The following SLC44A5 variants were observed in gnomAD, a reference collection of about 807,000 sequenced individuals.
SLC44A5 encodes the protein solute carrier family 44 member 5, also known as choline transporter-like protein 5.
Under a neutral mutation model 101.8 loss-of-function variants are expected in SLC44A5, and 57 were observed. The ratio of observed to expected loss-of-function variants is 0.56; its 90% CI spans 0.45 to 0.70. SLC44A5 has a LOEUF of 0.70. Ranked by LOEUF, SLC44A5 falls within the 30% of genes least tolerant of loss-of-function variation. SLC44A5 has a pLI of 0.00. For missense variants in SLC44A5, 737 were observed against 853.1 expected, an observed-to-expected ratio of 0.86 and a Z score of 1.70; for synonymous variants, 281 against 290.9, an observed-to-expected ratio of 0.97 and a Z score of 0.35.
the SLC44A5 span, among the ~76,000 whole-genome samples, chr1:75,710,893 T>G: frequency 2.6e-5 from 4 of 152,202 alleles, no homozygotes; most frequent in East Asian, 7.7e-4. Flanking sequence ...TCATCTCTAT[T>G]TGAAGATGTG....
chr1:75,657,502 C>A, the SLC44A5 span, among the ~76,000 whole-genome samples: 10 of 149,474 alleles, frequency 6.7e-5, 1 homozygote, highest in South Asian at 2.1e-3. Context: ...GAGCTGGGCT[C>A]ACACCATTGC....
intron 2 of SLC44A5, among the ~76,000 whole-genome samples, chr1:75,536,631 G>GAAAGAAAAAAGA (rs1671028903): frequency 1.6e-5 from 2 of 126,758 alleles, no homozygotes; most frequent in South Asian, 2.4e-4. Flanking sequence ...AGAAAAGAAA[G>GAAAGAAAAAAGA]AAAAAAAAAG....
At chr1:75,448,098 C>T (rs986580630) in intron 2 of SLC44A5, among the ~76,000 whole-genome samples, 1 of 152,062 alleles carries the variant, frequency 6.6e-6, no homozygotes, top group Admixed American at 6.6e-5. Flanking sequence ...ACCATTTATC[C>T]AGTTCAGTCC....
rs761898257 is a variant in SLC44A5, at chr1:75,227,786, T to C, written c.925A>G (p.Ile309Val). The C allele has an allele frequency of 1.9e-6, 3 of 1,595,984 alleles. No homozygotes were observed. The highest frequency in any genetic ancestry group is 1.7e-6 in the Non-Finnish European group (2 of 1,174,806). The change falls in exon 13 of 24, where the codon ATC becomes GTC. Residue 309 changes from isoleucine to valine, a missense_variant. Ile to Val is a conservative substitution (Grantham distance 29). Coordinates refer to ENST00000370859, the MANE Select transcript of SLC44A5 (RefSeq NM_001130058.2). ...ATGCTTATGTTAGTCTGAATCCCGA[T>C]GTCATAGATAGTTAATACAGAACTT... is the stretch of plus-strand genomic sequence containing the variant. The part of the protein sequence containing the change: ...RPSSVLTIYD[I>V]GIQTNISMYF...
chr1:75,236,343 G>T (rs1024195717), intron 11 of SLC44A5, among the ~76,000 whole-genome samples: 3 of 151,980 alleles, frequency 2.0e-5, no homozygotes, highest in African/African-American at 4.8e-5. Flanking sequence ...AGACAGTAAT[G>T]ACAGTCTTAA....
intron 3 of SLC44A5, among the ~76,000 whole-genome samples, chr1:75,365,554 T>C (rs575140236): frequency 6.6e-6 from 1 of 152,336 alleles, no homozygotes; most frequent in Admixed American, 6.5e-5. Context: ...CCCAAAGGAA[T>C]ATAAATCATT....
intron 2 of SLC44A5, among the ~76,000 whole-genome samples, chr1:75,502,401 C>G (rs1190588038): frequency 1.3e-5 from 2 of 152,202 alleles, no homozygotes; most frequent in Non-Finnish European, 2.9e-5. Context: ...TTTTAGCCAG[C>G]AGCGTTTTAC....
At chr1:75,696,660 C>T in the SLC44A5 span, among the ~76,000 whole-genome samples, 2 of 152,078 alleles carry the variant, frequency 1.3e-5, no homozygotes, top group Non-Finnish European at 2.9e-5. Flanking sequence ...CTTTGGGAGG[C>T]CGAGGCGGGG....
At chr1:75,604,206 G>C (rs561454611) in intron 1 of SLC44A5, among the ~76,000 whole-genome samples, 1 of 152,106 alleles carries the variant, frequency 6.6e-6, no homozygotes, top group Non-Finnish European at 1.5e-5. Flanking sequence ...ACAAGGTAGG[G>C]GTCCAGTTTC....
At chr1:75,277,533 G>A (rs1196941039) in intron 5 of SLC44A5, among the ~76,000 whole-genome samples, 1 of 152,124 alleles carries the variant, frequency 6.6e-6, no homozygotes, top group African/African-American at 2.4e-5. Context: ...TTCTGCAAAA[G>A]GATAAAGGAG....
chr1:75,478,276 C>T (rs948732507), intron 2 of SLC44A5, among the ~76,000 whole-genome samples: 91 of 152,000 alleles, frequency 6.0e-4, no homozygotes, highest in South Asian at 1.5e-3. Flanking sequence ...AAGGAACAAC[C>T]AGTACCAGCC....
intron 2 of SLC44A5, among the ~76,000 whole-genome samples, chr1:75,519,101 G>C (rs1669984044): frequency 6.6e-6 from 1 of 152,034 alleles, no homozygotes; most frequent in African/African-American, 2.4e-5. Flanking sequence ...CACAAACAGG[G>C]CTTTGGTGTT....
chr1:75,359,290 G>T (rs1356785952), intron 3 of SLC44A5, among the ~76,000 whole-genome samples: 2 of 143,996 alleles, frequency 1.4e-5, no homozygotes, highest in Admixed American at 1.4e-4. Flanking sequence ...GCTGGAGTAC[G>T]GTGGCGTGAT....
chr1:75,426,713 CT>C (rs2101581447), intron 2 of SLC44A5, among the ~76,000 whole-genome samples: 1 of 152,340 alleles, frequency 6.6e-6, no homozygotes, highest in South Asian at 2.1e-4. Flanking sequence ...TTCCTAAGCT[CT>C]TTGGTAACTA....
the SLC44A5 span, among the ~76,000 whole-genome samples, chr1:75,665,803 GAA>G: frequency 2.0e-5 from 3 of 152,004 alleles, no homozygotes; most frequent in African/African-American, 7.2e-5. Flanking sequence ...TAGAAATGGG[GAA>G]AAGACATGAA....
chr1:75,564,278 T>C (rs892674388), intron 1 of SLC44A5, among the ~76,000 whole-genome samples: 38 of 152,200 alleles, frequency 2.5e-4, no homozygotes, highest in Non-Finnish European at 2.4e-4. Flanking sequence ...AATTTCAAAT[T>C]AAGCATTCTT....
At chr1:75,385,974 T>A (rs529461857) in intron 3 of SLC44A5, among the ~76,000 whole-genome samples, 13 of 152,132 alleles carry the variant, frequency 8.5e-5, no homozygotes, top group African/African-American at 3.1e-4. Context: ...ATTATCTCAA[T>A]AGATGCAGAA....
chr1:75,610,336 A>G (rs1675584363), intron 1 of SLC44A5, among the ~76,000 whole-genome samples: 1 of 152,036 alleles, frequency 6.6e-6, no homozygotes, highest in South Asian at 2.1e-4. Flanking sequence ...AGGTGACCCA[A>G]TGGACTTCAC....
chr1:75,649,299 G>T, the SLC44A5 span, among the ~76,000 whole-genome samples: 487 of 152,236 alleles, frequency 3.2e-3, 2 homozygotes, highest in South Asian at 0.015. Flanking sequence ...GAATAGACCA[G>T]ACAAGTTTAA....
Sources: gnomAD v4.1 joint callset for allele counts (sites outside exome capture counted in the v4.1 genomes callset) on GRCh38, gnomAD v4.1.1 for gene constraint, MANE v1.5 for transcripts, NCBI Gene and HGNC (gene_info 2026-07-23, HGNC 2026-07-21) for gene names.